The following PGBD2 variants were observed in gnomAD, a reference collection of about 807,000 sequenced individuals.
PGBD2 encodes piggyBac transposable element derived 2.
Under a neutral mutation model 8.1 loss-of-function variants are expected in PGBD2, and 6 were observed. That is an observed-to-expected ratio of 0.74 (90% CI 0.40 to 1.46). The LOEUF is 1.46. Among genes scored for constraint, PGBD2 ranks in the 40% most tolerant of loss-of-function variants. The pLI is 0.02. For missense variants in PGBD2, 802 were observed against 739.0 expected (o/e 1.09, Z -0.99); for synonymous variants, 318 against 272.2 (o/e 1.17, Z -1.66).
chr1:248,887,385 T>G, the PGBD2 span, among the ~76,000 whole-genome samples: 1 of 152,190 alleles, frequency 6.6e-6, no homozygotes, highest in African/African-American at 2.4e-5. Flanking sequence ...GGAGTTCTAC[T>G]CAGTTGTCTT....
chr1:248,874,292 G>C, the PGBD2 span, among the ~76,000 whole-genome samples: 3 of 152,116 alleles, frequency 2.0e-5, no homozygotes, highest in East Asian at 1.9e-4. Context: ...TCACCGCCGC[G>C]GCCCGGGTTC....
At chr1:248,920,305 C>A (rs1193916560), downstream of PGBD2, among the ~76,000 whole-genome samples, 2 of 152,104 alleles carry the variant, frequency 1.3e-5, no homozygotes, top group East Asian at 1.9e-4. Context: ...CCTAGCCCCC[C>A]ACCCCCTGAC....
the PGBD2 span, among the ~76,000 whole-genome samples, chr1:248,899,760 T>TA: frequency 1.5e-5 from 2 of 133,802 alleles, no homozygotes; most frequent in East Asian, 4.3e-4. Flanking sequence ...CAAAAACCCT[T>TA]AAAAAAATCA....
the PGBD2 span, among the ~76,000 whole-genome samples, chr1:248,873,278 C>T: frequency 1.3e-5 from 2 of 152,216 alleles, no homozygotes; most frequent in Non-Finnish European, 2.9e-5. Flanking sequence ...GCCTGACTTC[C>T]CTCACCTCAG....
the PGBD2 span, among the ~76,000 whole-genome samples, chr1:248,880,854 A>G: frequency 6.6e-6 from 1 of 152,272 alleles, no homozygotes; most frequent in East Asian, 1.9e-4. Flanking sequence ...TTTTATCTAT[A>G]TTAATAGTCT....
intron 2 of PGBD2, chr1:248,914,416 G>C (rs12023135): frequency 0.036 from 45,103 of 1,244,492 alleles, 4,668 homozygotes; most frequent in African/African-American, 0.36. Context: ...CTTTAAGCCG[G>C]TCTCTTTTTC....
chr1:248,879,846 G>A, the PGBD2 span, among the ~76,000 whole-genome samples: 2 of 152,128 alleles, frequency 1.3e-5, no homozygotes, highest in African/African-American at 2.4e-5. Context: ...TGATTATGGG[G>A]CTATGTTGTT....
At chr1:248,907,066 A>G (rs965658981) in intron 1 of PGBD2, among the ~76,000 whole-genome samples, 2 of 152,262 alleles carry the variant, frequency 1.3e-5, no homozygotes, top group Admixed American at 6.5e-5. Flanking sequence ...TTGCACCAGC[A>G]CCGGTCTCTG....
At chr1:248,909,437 T>A (rs1661784353) in intron 1 of PGBD2, among the ~76,000 whole-genome samples, 1 of 152,200 alleles carries the variant, frequency 6.6e-6, no homozygotes, top group Admixed American at 6.5e-5. Context: ...GGTTCTTTTC[T>A]AAATAGTTGT....
At chr1:248,925,475 G>T in the PGBD2 span, among the ~76,000 whole-genome samples, 2 of 152,082 alleles carry the variant, frequency 1.3e-5, no homozygotes, top group African/African-American at 4.8e-5. Context: ...CTGTGCAACC[G>T]GTGGCTTTTC....
chr1:248,887,891 T>C, the PGBD2 span, among the ~76,000 whole-genome samples: 1 of 152,204 alleles, frequency 6.6e-6, no homozygotes, highest in African/African-American at 2.4e-5. Flanking sequence ...AGGAAGTTTT[T>C]CAGCCCTTGC....
the PGBD2 span, among the ~76,000 whole-genome samples, chr1:248,885,653 T>C: frequency 1.3e-5 from 2 of 152,148 alleles, no homozygotes; most frequent in Non-Finnish European, 2.9e-5. Context: ...GAAACAGTGC[T>C]TGATGAAGAC....
chr1:248,874,555 A>C, the PGBD2 span, among the ~76,000 whole-genome samples: 1 of 152,158 alleles, frequency 6.6e-6, no homozygotes, highest in African/African-American at 2.4e-5. Context: ...TGATCCAAAA[A>C]GATAGCTCTG....
chr1:248,904,936 T>C (rs1032748422), upstream of PGBD2, among the ~76,000 whole-genome samples: 5 of 152,228 alleles, frequency 3.3e-5, no homozygotes, highest in Admixed American at 6.5e-5. Context: ...GTGCCTTTTC[T>C]TTTTCACTGT....
rs191356246 is a variant in PGBD2 at position 248,916,843 on chromosome 1, G to A, written c.259G>A (p.Gly87Arg). 204 of 1,614,100 alleles carry A rather than the reference G, an allele frequency of 1.3e-4. No homozygotes were observed. Among genetic ancestry groups the A allele is most frequent in the Non-Finnish European group, 1.5e-4 (182 of 1,180,020 alleles). ...ASVLCEDSGTGEDNDDLELQP... is the reference protein window; with the variant it reads ...ASVLCEDSGTREDNDDLELQP... ...AGTCCTGTGTGAGGACTCTGGCACC[G>A]GGGAGGATAATGACGACCTGGAGCT... The change falls in exon 3 of 3, where the codon GGG becomes AGG. Residue 87 changes from glycine (G) to arginine (R), a missense_variant. By Grantham distance (125) the Gly-to-Arg change is moderately radical. Coordinates refer to ENST00000329291, the MANE Select transcript of PGBD2 (RefSeq NM_170725.3).
intron 1 of PGBD2, among the ~76,000 whole-genome samples, chr1:248,908,724 C>G (rs1407730698): frequency 6.6e-6 from 1 of 150,658 alleles, no homozygotes; most frequent in African/African-American, 2.5e-5. Flanking sequence ...CTTATAAAGA[C>G]AGGCCTCCTT....
intron 1 of PGBD2, among the ~76,000 whole-genome samples, chr1:248,909,354 T>C (rs1661781825): frequency 6.6e-6 from 1 of 152,216 alleles, no homozygotes; most frequent in African/African-American, 2.4e-5. Context: ...TGACAGGTAT[T>C]TCCTATGCGT....
chr1:248,925,734 T>G, the PGBD2 span, among the ~76,000 whole-genome samples: 3 of 151,948 alleles, frequency 2.0e-5, no homozygotes, highest in African/African-American at 7.3e-5. Flanking sequence ...GGGACAGAAA[T>G]AGACAGACAG....
In PGBD2 at chr1:248,917,796, G is replaced by C. The variant is rs1451688178; in HGVS notation, c.1212G>C (p.Glu404Asp). ...KRGSFDYKVDESEEIIVCRWH... is the reference protein window; with the variant it reads ...KRGSFDYKVDDSEEIIVCRWH... ...GTTCATTTGATTACAAAGTCGATGA[G>C]AGTGAGGAGATCATCGTGTGCCGCT... Residue 404 changes from glutamate (E) to aspartate (D), a missense_variant, in exon 3 of 3, where the codon GAG becomes GAC. Glu to Asp is a conservative substitution (Grantham distance 45). Coordinates refer to ENST00000329291, the MANE Select transcript of PGBD2 (RefSeq NM_170725.3). The C allele has an allele frequency of 3.7e-6, 6 of 1,614,200 alleles. No homozygotes were observed. Among genetic ancestry groups the C allele is most frequent in the Admixed American group, 1.7e-5 (1 of 60,030 alleles).
Sources: gnomAD v4.1 joint callset for allele counts (sites outside exome capture counted in the v4.1 genomes callset) on GRCh38, gnomAD v4.1.1 for gene constraint, MANE v1.5 for transcripts, NCBI Gene and HGNC (gene_info 2026-07-23, HGNC 2026-07-21) for gene names.